ASIC2: variants seen among roughly 807,000 people sequenced by gnomAD.
ASIC2 encodes the protein acid-sensing ion channel 2.
ASIC2 carries 25 observed loss-of-function variants against 57.3 expected under a neutral mutation model. That is an observed-to-expected ratio of 0.44 (90% CI 0.32 to 0.61). ASIC2 has a LOEUF of 0.61. Among genes scored for constraint, ASIC2 ranks in the 20% least tolerant of loss-of-function variants. The pLI is 0.06. For synonymous variants in ASIC2, 319 were observed against 307.5 expected (o/e 1.04, Z -0.39); for missense variants, 641 against 738.1 (o/e 0.87, Z 1.52).
intron 1 of ASIC2, among the ~76,000 whole-genome samples, chr17:33,215,707 T>C (rs1567787254): frequency 6.7e-6 from 1 of 148,342 alleles, no homozygotes; most frequent in Non-Finnish European, 1.5e-5. Flanking sequence ...ACATGTGGCT[T>C]TTTTTTTTTT....
intron 1 of ASIC2, among the ~76,000 whole-genome samples, chr17:33,742,202 G>C (rs1160187638): frequency 6.6e-6 from 1 of 152,204 alleles, no homozygotes; most frequent in Non-Finnish European, 1.5e-5. Context: ...TACTTGCATA[G>C]ACTGATTGCT....
rs113969417 is a variant in ASIC2 at position 33,319,388 on chromosome 17, G to A, written c.556-207321C>T. On this transcript the variant is annotated intron_variant, in intron 1 of 9. Transcript: ENST00000359872. ...TGCCCAGGACAATCTATTGGTCTGA[G>A]AAGGACCAGCTGATGACAACCACAC... Among the ~76,000 whole-genome samples the A allele has an allele frequency of 6.4e-3, 979 of 152,322 alleles. 8 individuals carry two copies. Among genetic ancestry groups the A allele is most frequent in the African/African-American group, 0.022 (913 of 41,582 alleles).
chr17:33,595,848 C>G (rs770984146), intron 1 of ASIC2, among the ~76,000 whole-genome samples: 30 of 152,210 alleles, frequency 2.0e-4, no homozygotes, highest in Admixed American at 1.7e-3. Context: ...ATGGGCCTTC[C>G]CATGAGAGGC....
chr17:33,086,823 A>C (rs2092135708), intron 3 of ASIC2, among the ~76,000 whole-genome samples: 1 of 152,148 alleles, frequency 6.6e-6, no homozygotes, highest in African/African-American at 2.4e-5. Context: ...AACTAACTTC[A>C]ATAAGCACCA....
Position 34,043,228 on chromosome 17 carries a change from C to T in ASIC2, c.555+112750G>A, listed in dbSNP as rs1381162290. Among the ~76,000 whole-genome samples, 4 of 152,140 alleles carry T rather than the reference C, an allele frequency of 2.6e-5. No individual in the cohort carries two copies. In the East Asian group the frequency reaches 7.7e-4, roughly 29 times the overall value. On this transcript the variant is annotated intron_variant, in intron 1 of 9. Coordinates refer to the ASIC2 transcript ENST00000359872. ...TCTGGTGATTCATTTATGGTGGTAT[C>T]CTCTTATCATAATGCACTAAACTGT...
chr17:33,379,524 G>A (rs1909402581), intron 1 of ASIC2, among the ~76,000 whole-genome samples: 1 of 152,156 alleles, frequency 6.6e-6, no homozygotes, highest in Non-Finnish European at 1.5e-5. Flanking sequence ...GGATGCCCCA[G>A]TATTTTCTGA....
chr17:33,200,717 C>T (rs1906824759), intron 1 of ASIC2, among the ~76,000 whole-genome samples: 1 of 152,194 alleles, frequency 6.6e-6, no homozygotes, highest in Non-Finnish European at 1.5e-5. Context: ...GGCTATCTCC[C>T]TGTTTGCTTC....
chr17:33,542,822 A>C (rs1915459224), intron 1 of ASIC2, among the ~76,000 whole-genome samples: 1 of 147,842 alleles, frequency 6.8e-6, no homozygotes, highest in Non-Finnish European at 1.5e-5. Flanking sequence ...GTCCTTGCCC[A>C]TGCCTATGTC....
chr17:33,580,263 A>G (rs1403249613), intron 1 of ASIC2: 5 of 152,202 alleles, frequency 3.3e-5, no homozygotes, highest in Non-Finnish European at 7.3e-5. Context: ...CATCACAAAT[A>G]CAGGTGGCAG....
At chr17:33,130,337 G>A (rs2092340838) in intron 1 of ASIC2, among the ~76,000 whole-genome samples, 1 of 152,114 alleles carries the variant, frequency 6.6e-6, no homozygotes, top group South Asian at 2.1e-4. Flanking sequence ...GTGGGCATAG[G>A]TACAGAGGAA....
At chr17:33,259,129 T>A (rs1257033200) in intron 1 of ASIC2, among the ~76,000 whole-genome samples, 2 of 152,180 alleles carry the variant, frequency 1.3e-5, no homozygotes, top group Non-Finnish European at 2.9e-5. Context: ...ATATGAAAAG[T>A]GGCATTTGTC....
intron 1 of ASIC2, among the ~76,000 whole-genome samples, chr17:33,421,912 A>G (rs1911057910): frequency 6.6e-6 from 1 of 152,110 alleles, no homozygotes; most frequent in South Asian, 2.1e-4. Flanking sequence ...CACCTAACCA[A>G]CACTAACCAA....
At chr17:33,778,840 C>T (rs1256567639) in intron 1 of ASIC2, among the ~76,000 whole-genome samples, 3 of 152,190 alleles carry the variant, frequency 2.0e-5, no homozygotes, top group Non-Finnish European at 2.9e-5. Flanking sequence ...CTCTCTTCTT[C>T]CCTTCCTCTG....
chr17:33,412,690 G>A (rs1241193942), intron 1 of ASIC2, among the ~76,000 whole-genome samples: 2 of 152,172 alleles, frequency 1.3e-5, no homozygotes, highest in East Asian at 3.9e-4. Flanking sequence ...GATAAACATA[G>A]GCATAGAGGA....
At chr17:33,366,981 G>A (rs1908834204) in intron 1 of ASIC2, among the ~76,000 whole-genome samples, 1 of 152,230 alleles carries the variant, frequency 6.6e-6, no homozygotes, top group Non-Finnish European at 1.5e-5. Flanking sequence ...CATTCCCTTT[G>A]CTTATAAAAC....
chr17:33,410,254 G>A (rs1361792583), intron 1 of ASIC2, among the ~76,000 whole-genome samples: 3 of 152,106 alleles, frequency 2.0e-5, no homozygotes, highest in East Asian at 1.9e-4. Context: ...AGAAATCACA[G>A]CCCCGGAACA....
chr17:33,610,012 G>C (rs369291540), intron 1 of ASIC2, among the ~76,000 whole-genome samples: 1 of 150,994 alleles, frequency 6.6e-6, no homozygotes, highest in Admixed American at 6.6e-5. Context: ...GATGGAGCTT[G>C]TGCACCCACC....
At chr17:34,078,229 CA>C (rs1249385402) in intron 1 of ASIC2, among the ~76,000 whole-genome samples, 1 of 152,194 alleles carries the variant, frequency 6.6e-6, no homozygotes, top group Non-Finnish European at 1.5e-5. Context: ...TCTCTCTAAA[CA>C]GTGAGTTTCT....
At chr17:34,048,401 G>A (rs1044772611) in intron 1 of ASIC2, among the ~76,000 whole-genome samples, 4 of 152,110 alleles carry the variant, frequency 2.6e-5, no homozygotes, top group African/African-American at 4.8e-5. Flanking sequence ...GTTGAACTCG[G>A]TAGCTTGCAA....
Sources: gnomAD v4.1 joint callset for allele counts (sites outside exome capture counted in the v4.1 genomes callset) on GRCh38, gnomAD v4.1.1 for gene constraint, MANE v1.5 for transcripts, NCBI Gene and HGNC (gene_info 2026-07-23, HGNC 2026-07-21) for gene names.